The following PCDHGB6 variants were observed in gnomAD, a reference collection of about 807,000 sequenced individuals.
The protein encoded by PCDHGB6 is protocadherin gamma-B6.
A neutral mutation model predicts 59.1 loss-of-function variants in PCDHGB6; 51 were observed. The ratio of observed to expected loss-of-function variants is 0.86; its 90% CI spans 0.69 to 1.09. PCDHGB6 has a LOEUF of 1.09. PCDHGB6 is among the 50% of genes least tolerant of loss of function. PCDHGB6 has a pLI of 0.00. For missense variants in PCDHGB6, 1,148 were observed against 1,205.1 expected (o/e 0.95, Z 0.70); for synonymous variants, 466 against 495.1 (o/e 0.94, Z 0.78).
At chr5:141,466,974 C>G (rs1314224956) in intron 1 of PCDHGB6, among the ~76,000 whole-genome samples, 1 of 151,944 alleles carries the variant, frequency 6.6e-6, no homozygotes, top group Non-Finnish European at 1.5e-5. Context: ...TCTCACAGCT[C>G]ATCATTTACC....
chr5:141,414,280 G>C, intron 1 of PCDHGB6: 5 of 1,613,604 alleles, frequency 3.1e-6, no homozygotes, highest in Non-Finnish European at 4.2e-6. Context: ...TCTGGGAACA[G>C]TCGTAGCCCT....
chr5:141,432,300 T>G lies in PCDHGB6; in HGVS notation c.2418+21680T>G, dbSNP rs1280788604. ...TCCATCAACTCCGACACTGGGGTACTGTATGCGCTGAGCTCCTTCGACTAC... is the reference window on the plus strand; with the variant it reads ...TCCATCAACTCCGACACTGGGGTACGGTATGCGCTGAGCTCCTTCGACTAC... On this transcript the variant is annotated intron_variant, in intron 1 of 3. Transcript: ENST00000520790. The surrounding 1 kb of genome is among the most constrained non-coding windows in gnomAD (Gnocchi z 6.0). 1.9e-6 allele frequency: 3 copies of G among 1,614,158 alleles called. No homozygotes were observed. The highest frequency in any genetic ancestry group is 2.5e-6 in the Non-Finnish European group (3 of 1,180,056).
chr5:141,494,173 G>C (rs554811420), intron 1 of PCDHGB6, among the ~76,000 whole-genome samples: 2 of 152,304 alleles, frequency 1.3e-5, no homozygotes, highest in South Asian at 2.1e-4. Flanking sequence ...CTAGGGGTGA[G>C]AAGTGTCCCG....
Position 141,418,614 on chromosome 5 carries a change from G to A in PCDHGB6, c.2418+7994G>A, listed in dbSNP as rs777074200. ...CAGGACGTGTACAGGGTTAGCCTTC[G>A]GGAAGACGTGCCTCCAGGCACCTCC... is the stretch of plus-strand genomic sequence containing the variant. On this transcript the variant is annotated intron_variant, in intron 1 of 3. Transcript: ENST00000520790. The A allele has an allele frequency of 5.0e-6, 8 of 1,613,876 alleles. No homozygotes were observed. In the East Asian group the frequency reaches 1.1e-4, roughly 22 times the overall value.
chr5:141,480,533 G>A (rs2099521308), intron 1 of PCDHGB6, among the ~76,000 whole-genome samples: 1 of 127,758 alleles, frequency 7.8e-6, no homozygotes, highest in African/African-American at 3.6e-5. Flanking sequence ...CAAAGTAGAA[G>A]CACATATGAA....
At chr5:141,457,330 A>G (rs2098916985) in intron 1 of PCDHGB6, among the ~76,000 whole-genome samples, 1 of 152,174 alleles carries the variant, frequency 6.6e-6, no homozygotes, top group Non-Finnish European at 1.5e-5. Flanking sequence ...GGTTACAGGT[A>G]CCTTACTTAC....
At chr5:141,503,660 C>A (rs2099827842) in intron 2 of PCDHGB6, among the ~76,000 whole-genome samples, 1 of 150,420 alleles carries the variant, frequency 6.6e-6, no homozygotes, top group Non-Finnish European at 1.5e-5. Flanking sequence ...AACAGAATTA[C>A]AACTCTTCCC....
Position 141,410,258 on chromosome 5 carries a change from G to C in PCDHGB6, c.2056G>C (p.Ala686Pro). The change falls in exon 1 of 4, where the codon GCT (alanine) becomes CCT (proline). Residue 686 changes from alanine to proline, a missense_variant. Coordinates refer to ENST00000520790, the MANE Select transcript of PCDHGB6 (RefSeq NM_018926.3). ...CCGCCCTGTACTCTCTGACCCCCAGGCTGAACTGCAGTTTTACCTGGTGGT... is the reference window on the plus strand; with the variant it reads ...CCGCCCTGTACTCTCTGACCCCCAGCCTGAACTGCAGTTTTACCTGGTGGT... ...SDRPVLSDPQAELQFYLVVAL... is the reference protein window; with the variant it reads ...SDRPVLSDPQPELQFYLVVAL... The C allele has an allele frequency of 6.2e-7, 1 of 1,614,022 alleles. No individual in the cohort carries two copies. Among genetic ancestry groups the C allele is most frequent in the Non-Finnish European group, 8.5e-7 (1 of 1,179,902 alleles).
intron 1 of PCDHGB6, chr5:141,412,862 T>A (rs957973834): frequency 7.5e-5 from 18 of 241,156 alleles, no homozygotes; most frequent in African/African-American, 3.4e-4. Context: ...AAAGAATCTA[T>A]GTAAAATATA....
intron 1 of PCDHGB6, chr5:141,427,552 C>T (rs1233231671): frequency 1.5e-6 from 1 of 645,244 alleles, no homozygotes; most frequent in South Asian, 1.5e-5. Context: ...ATCACTGCCA[C>T]TGACAAGGGC....
chr5:141,415,387 G>A (rs1347191224), intron 1 of PCDHGB6: 2 of 1,614,168 alleles, frequency 1.2e-6, no homozygotes. Context: ...CGGCTTGACA[G>A]GTGTGTCCGG....
chr5:141,422,226 G>A (rs766346054), intron 1 of PCDHGB6: 1 of 1,565,844 alleles, frequency 6.4e-7, no homozygotes, highest in East Asian at 2.2e-5. Flanking sequence ...CCACCACGAC[G>A]ATGTTGATCA....
rs370032689 is a variant in PCDHGB6 at position 141,415,343 on chromosome 5, G to A, written c.2418+4723G>A. 84 of 1,614,112 alleles carry A rather than the reference G, an allele frequency of 5.2e-5. No homozygotes were observed. The African/African-American group carries it at 1.0e-3, about 20-fold the overall frequency. On this transcript the variant is annotated intron_variant, in intron 1 of 3. Transcript: ENST00000520790. The stretch of plus-strand genomic sequence containing the variant: ...CTGCTGGCGCACAGGCTGCGGCGCT[G>A]GCACAAGTCACGCCTGCTGCAGGCT...
intron 2 of PCDHGB6, among the ~76,000 whole-genome samples, chr5:141,499,265 C>T (rs1220250999): frequency 6.6e-6 from 1 of 152,128 alleles, no homozygotes; most frequent in African/African-American, 2.4e-5. Context: ...CATTTGGTCC[C>T]TAGACTGTTC....
intron 1 of PCDHGB6, among the ~76,000 whole-genome samples, chr5:141,466,558 C>T (rs1407160827): frequency 6.6e-6 from 1 of 152,120 alleles, no homozygotes; most frequent in Non-Finnish European, 1.5e-5. Flanking sequence ...CTGTGGGCTT[C>T]ATCTTCAACA....
At chr5:141,448,086 TA>T (rs558292628) in intron 1 of PCDHGB6, among the ~76,000 whole-genome samples, 67 of 146,274 alleles carry the variant, frequency 4.6e-4, no homozygotes, top group African/African-American at 8.0e-4. Context: ...AATGCCATCT[TA>T]AAAAAAAAAA....
chr5:141,408,488 T>C lies in PCDHGB6; in HGVS notation c.286T>C (p.Cys96Arg), dbSNP rs199936765. ...VKNRIDREQI[C>R]KERRRCELQL... ...GAACCGAATAGACCGTGAGCAAATA[T>C]GCAAAGAGAGAAGAAGATGTGAGTT... Residue 96 changes from cysteine to arginine, a missense_variant, in exon 1 of 4, where the codon TGC becomes CGC. Transcript: ENST00000520790. The C allele has an allele frequency of 8.1e-6, 13 of 1,613,894 alleles. No individual in the cohort carries two copies. The highest frequency in any genetic ancestry group is 4.0e-5 in the African/African-American group (3 of 74,922).
Position 141,431,103 on chromosome 5 carries a change from A to C in PCDHGB6, c.2418+20483A>C, listed in dbSNP as rs769542343. On this transcript the variant is annotated intron_variant, in intron 1 of 3. Coordinates refer to ENST00000520790, the MANE Select transcript of PCDHGB6 (RefSeq NM_018926.3). This position sits in a 1 kb window ranked among gnomAD's most constrained non-coding sequence, Gnocchi z 4.8. ...GACATTCTGATGGAGGATAAAGTGA[A>C]AATATATGGAGTAGAAGTAGAAGTA... 6.2e-7 allele frequency: 1 copy of C among 1,614,246 alleles called. No individual in the cohort carries two copies.
At chr5:141,451,925 G>A (rs1391178313) in intron 1 of PCDHGB6, among the ~76,000 whole-genome samples, 2 of 152,012 alleles carry the variant, frequency 1.3e-5, no homozygotes, top group East Asian at 3.8e-4. Context: ...AGGAAGGGAG[G>A]TAGGGAGGCA....
Sources: gnomAD v4.1 joint callset for allele counts (sites outside exome capture counted in the v4.1 genomes callset) on GRCh38, gnomAD v4.1.1 for gene constraint, Gnocchi (gnomAD v3.1) non-coding constraint, MANE v1.5 for transcripts, NCBI Gene and HGNC (gene_info 2026-07-23, HGNC 2026-07-21) for gene names.